The following FKBP6 variants were observed in gnomAD, a reference collection of about 807,000 sequenced individuals.
FKBP6 encodes the protein FKBP prolyl isomerase family member 6 (inactive).
In FKBP6, 29 loss-of-function variants were observed where a neutral mutation model predicts 41.7. The ratio of observed to expected loss-of-function variants is 0.70; its 90% CI spans 0.52 to 0.95. The LOEUF (loss-of-function observed/expected upper bound fraction) is 0.95. Ranked by LOEUF, FKBP6 falls within the 40% of genes least tolerant of loss-of-function variation. The pLI is 0.00. For missense variants in FKBP6, 338 were observed against 408.7 expected (o/e 0.83, Z 1.49); for synonymous variants, 130 against 165.1 (o/e 0.79, Z 1.63).
At chr7:73,353,251 G>A (rs1242581856) in intron 8 of FKBP6, among the ~76,000 whole-genome samples, 1 of 152,144 alleles carries the variant, frequency 6.6e-6, no homozygotes, top group East Asian at 1.9e-4. Flanking sequence ...CCCAGCTCAA[G>A]ATCCTTCATT....
intron 5 of FKBP6, among the ~76,000 whole-genome samples, chr7:73,340,293 C>T (rs1805132333): frequency 6.6e-6 from 1 of 152,096 alleles, no homozygotes; most frequent in African/African-American, 2.4e-5. Flanking sequence ...CTTTGGGAGG[C>T]TGAGGCAGGT....
chr7:73,355,574 C>A (rs1554551809), intron 8 of FKBP6, among the ~76,000 whole-genome samples: 3 of 151,380 alleles, frequency 2.0e-5, no homozygotes, highest in African/African-American at 7.3e-5. Flanking sequence ...CACCCTAGAT[C>A]AAAACTTTCT....
rs371535540 is a variant in FKBP6 at position 73,357,652 on chromosome 7, C to T, written c.*3-529C>T. Among the ~76,000 whole-genome samples, 5 of 152,164 alleles carry T rather than the reference C, an allele frequency of 3.3e-5. No individual in the cohort carries two copies. The East Asian group carries it at 5.8e-4, about 18-fold the overall frequency. On this transcript the variant is annotated intron_variant, in intron 8 of 8. Coordinates refer to ENST00000252037, the MANE Select transcript of FKBP6 (RefSeq NM_003602.5). ...TGTTCCTGACACCCCACCTCCTCTT[C>T]CCTCTCTCAGGTGCTGGCTCCTTTG...
intron 7 of FKBP6, among the ~76,000 whole-genome samples, chr7:73,342,590 C>T (rs1463566743): frequency 2.0e-5 from 3 of 152,210 alleles, no homozygotes; most frequent in Non-Finnish European, 4.4e-5. Context: ...GCTGTCCTTT[C>T]CAGTTAGGGG....
At chr7:73,345,993 C>T (rs960441385) in intron 8 of FKBP6, among the ~76,000 whole-genome samples, 17 of 152,170 alleles carry the variant, frequency 1.1e-4, no homozygotes, top group African/African-American at 4.1e-4. Flanking sequence ...GTCGTTTTTA[C>T]CATCAGGTAA....
At chr7:73,331,397 A>T (rs1442392393) in intron 4 of FKBP6, among the ~76,000 whole-genome samples, 2 of 152,224 alleles carry the variant, frequency 1.3e-5, no homozygotes, top group African/African-American at 4.8e-5. Flanking sequence ...ACAGGTTATA[A>T]CACTGGTGTG....
At chr7:73,351,166 G>A (rs1166621233) in intron 8 of FKBP6, among the ~76,000 whole-genome samples, 2 of 151,878 alleles carry the variant, frequency 1.3e-5, no homozygotes, top group East Asian at 1.9e-4. Context: ...TGCAACGTTC[G>A]CCACAGACAT....
At chr7:73,344,058 A>G (rs1236427775) in intron 8 of FKBP6, among the ~76,000 whole-genome samples, 1 of 152,238 alleles carries the variant, frequency 6.6e-6, no homozygotes, top group Non-Finnish European at 1.5e-5. Flanking sequence ...CCTGGCCTTC[A>G]GGTCTTTCAG....
chr7:73,333,837 C>T (rs960786205), intron 5 of FKBP6, among the ~76,000 whole-genome samples: 13 of 152,084 alleles, frequency 8.5e-5, no homozygotes, highest in Admixed American at 1.3e-4. Flanking sequence ...TTTGGGAGGC[C>T]GAGGCGGGTG....
chr7:73,351,936 G>A (rs1310698640), intron 8 of FKBP6, among the ~76,000 whole-genome samples: 4 of 152,236 alleles, frequency 2.6e-5, no homozygotes, highest in Non-Finnish European at 5.9e-5. Flanking sequence ...ACCTCTCTGG[G>A]CCTTGGTTGC....
rs782250810 is a variant in FKBP6 at position 73,328,641 on chromosome 7, G to A, written c.124G>A (p.Val42Ile). 5 of 1,611,540 alleles carry A rather than the reference G, an allele frequency of 3.1e-6. No homozygotes were observed. Among genetic ancestry groups the A allele is most frequent in the East Asian group, 2.2e-5 (1 of 44,864 alleles). The change falls in exon 2 of 9, where the codon GTC becomes ATC. Residue 42 changes from valine (V) to isoleucine (I), a missense_variant. Around this residue, in one of 2 missense-constraint regions of FKBP6, gnomAD observed 99 missense variants for 158.6 expected, o/e 0.62. Coordinates refer to ENST00000252037, the MANE Select transcript of FKBP6 (RefSeq NM_003602.5). ...GGGGGACCGGGGCGTGCTGAAGGACGTCATCCGAGAAGGAGCTGGAGACCT... is the reference window on the plus strand; with the variant it reads ...GGGGGACCGGGGCGTGCTGAAGGACATCATCCGAGAAGGAGCTGGAGACCT... The part of the protein sequence containing the change: ...ISGDRGVLKD[V>I]IREGAGDLVA...
chr7:73,347,635 G>A (rs568771395), intron 8 of FKBP6, among the ~76,000 whole-genome samples: 4 of 152,244 alleles, frequency 2.6e-5, no homozygotes, highest in African/African-American at 9.6e-5. Flanking sequence ...GCTAAAGACA[G>A]TATTTCTTGT....
rs1804803935 is a variant in FKBP6, at chr7:73,330,467, C to T, written c.468+115C>T. The T allele has an allele frequency of 7.3e-6, 6 of 816,708 alleles. 1 individual carries two copies. The highest frequency in any genetic ancestry group is 2.9e-5 in the South Asian group (2 of 70,108). The allele number at this position is 816,708 out of a possible 1,614,324, so 50.6% of individuals were successfully genotyped here. ...CTGATCGTCCTCTCCAGGGTACCCC[C>T]GCGGCTCCTGTGCGGTGGCGGCGGA... On this transcript the variant is annotated intron_variant, in intron 4 of 8. Transcript: ENST00000252037.
intron 5 of FKBP6, among the ~76,000 whole-genome samples, chr7:73,338,097 C>G (rs1805063542): frequency 6.6e-6 from 1 of 152,148 alleles, no homozygotes; most frequent in Non-Finnish European, 1.5e-5. Flanking sequence ...ACGATCTCGG[C>G]TCACTGCAAC....
intron 8 of FKBP6, among the ~76,000 whole-genome samples, chr7:73,346,608 G>T (rs1360499191): frequency 2.0e-5 from 3 of 152,166 alleles, no homozygotes; most frequent in African/African-American, 7.2e-5. Flanking sequence ...CCTGGCCAGA[G>T]CTGAGCTGCT....
intron 5 of FKBP6, among the ~76,000 whole-genome samples, chr7:73,333,808 A>G (rs4717750): frequency 0.14 from 20,900 of 152,302 alleles, 1,644 homozygotes; most frequent in East Asian, 0.28. Flanking sequence ...ACGGTGGCTC[A>G]TGCCTGTAAT....
chr7:73,334,964 T>C lies in FKBP6; in HGVS notation c.588+3188T>C, dbSNP rs571157099. Among the ~76,000 whole-genome samples, 21 of 152,286 alleles carry C rather than the reference T, an allele frequency of 1.4e-4. No homozygotes were observed. The South Asian group carries it at 4.3e-3, about 32-fold the overall frequency. On this transcript the variant is annotated intron_variant, in intron 5 of 8. Transcript: ENST00000252037. ...GTCCAAGATGAGGGTCTCTGAGTTC[T>C]AGCAGCAGAAGGGAAGAAAGGCTGA...
intron 8 of FKBP6, among the ~76,000 whole-genome samples, chr7:73,353,675 T>C (rs1182027821): frequency 6.6e-6 from 1 of 152,244 alleles, no homozygotes; most frequent in Non-Finnish European, 1.5e-5. Flanking sequence ...TCCAACAGCA[T>C]GTGCTGAATT....
intron 5 of FKBP6, among the ~76,000 whole-genome samples, chr7:73,338,264 G>A (rs1380004173): frequency 6.6e-6 from 1 of 152,152 alleles, no homozygotes; most frequent in Non-Finnish European, 1.5e-5. Context: ...GACCTCAGAT[G>A]ATCCGCCCAC....
Sources: gnomAD v4.1 joint callset for allele counts (sites outside exome capture counted in the v4.1 genomes callset) on GRCh38, gnomAD v4.1.1 for gene constraint, gnomAD v4.1.1 regional missense constraint, MANE v1.5 for transcripts, NCBI Gene and HGNC (gene_info 2026-07-23, HGNC 2026-07-21) for gene names.